Variants in PLN observed in about 807,000 individuals in gnomAD.
The protein encoded by PLN is phospholamban.
PLN carries 1 observed loss-of-function variant against 3.9 expected under a neutral mutation model. The ratio of observed to expected loss-of-function variants is 0.26; its 90% confidence interval spans 0.09 to 1.23. PLN has a LOEUF of 1.23. Among genes scored for constraint, PLN ranks in the 50% most tolerant of loss-of-function variants. The pLI is 0.48. For synonymous variants in PLN, 21 were observed against 20.5 expected (o/e 1.02, Z -0.07); for missense variants, 59 against 62.7 (o/e 0.94, Z 0.20).
chr6:118,559,172 C>A lies in PLN; in HGVS notation c.*92C>A. ...CAGGAAAACAATATTGTATAACAGA[C>A]CACTTCCTGAGTAGAAGAGTTTCTT... On this transcript the variant is annotated 3_prime_UTR_variant, in exon 2 of 2. Coordinates refer to ENST00000357525, the MANE Select transcript of PLN (RefSeq NM_002667.5). 7 of 925,778 alleles carry A rather than the reference C, an allele frequency of 7.6e-6. No homozygotes were observed. The South Asian group carries it at 7.8e-5, about 10-fold the overall frequency. The allele number at this position is 925,778 out of a possible 1,614,324, so 57.3% of individuals were successfully genotyped here.
chr6:118,558,674 G>C (rs1216794579), intron 1 of PLN, among the ~76,000 whole-genome samples, 151 bp from the exon 2 acceptor site: 3 of 145,236 alleles, frequency 2.1e-5, no homozygotes, highest in Admixed American at 6.8e-5. Context: ...GAGAGAGAGA[G>C]AGAGAGAGAG....
chr6:118,556,442 T>C (rs1562257351), intron 1 of PLN, among the ~76,000 whole-genome samples: 2 of 152,192 alleles, frequency 1.3e-5, no homozygotes, highest in Non-Finnish European at 2.9e-5. Context: ...CAGAATATAA[T>C]AGACCCAAGT....
chr6:118,550,973 A>T (rs2114928117), intron 1 of PLN, among the ~76,000 whole-genome samples: 1 of 151,888 alleles, frequency 6.6e-6, no homozygotes, highest in Non-Finnish European at 1.5e-5. Context: ...CAAAATTCAA[A>T]CTAACTGCAC....
chr6:118,552,885 C>T (rs190427313), intron 1 of PLN, among the ~76,000 whole-genome samples: 10 of 152,132 alleles, frequency 6.6e-5, no homozygotes, highest in African/African-American at 2.4e-4. Context: ...CACCCAAACT[C>T]CTAACAAGCA....
chr6:118,558,770 T>A (rs962843817), intron 1 of PLN, 55 bp from the exon 2 acceptor site: 1 of 679,804 alleles, frequency 1.5e-6, no homozygotes, highest in Non-Finnish European at 2.7e-6. Context: ...TATTTTTTGT[T>A]CTGAGGATAG....
chr6:118,548,850 ACATGCACATTATCAG>A (rs2114917729), intron 1 of PLN, among the ~76,000 whole-genome samples: 1 of 152,184 alleles, frequency 6.6e-6, no homozygotes, highest in African/African-American at 2.4e-5. Context: ...TTTGACTACA[ACATGCACATTATCAG>A]CATGCCTATT....
intron 1 of PLN, among the ~76,000 whole-genome samples, chr6:118,558,155 T>G (rs756682285): frequency 6.6e-6 from 1 of 152,134 alleles, no homozygotes; most frequent in Non-Finnish European, 1.5e-5. Context: ...TTCACCATGT[T>G]GGCCAGGCTG....
At chr6:118,549,970 G>C (rs1370946819) in intron 1 of PLN, among the ~76,000 whole-genome samples, 2 of 151,830 alleles carry the variant, frequency 1.3e-5, no homozygotes, top group Non-Finnish European at 3.0e-5. Flanking sequence ...GTCCCAACTA[G>C]TTCATCTATA....
At chr6:118,551,701 A>G (rs1778554806) in intron 1 of PLN, among the ~76,000 whole-genome samples, 1 of 152,058 alleles carries the variant, frequency 6.6e-6, no homozygotes, top group African/African-American at 2.4e-5. Flanking sequence ...GAATGAGAAT[A>G]TATTGATTTT....
intron 1 of PLN, among the ~76,000 whole-genome samples, chr6:118,552,006 T>C (rs1486894041): frequency 6.6e-6 from 1 of 152,006 alleles, no homozygotes; most frequent in Non-Finnish European, 1.5e-5. Context: ...TGTCAGAAAG[T>C]AGTAGAAAAA....
chr6:118,558,642 CACACACACACACACACACAG>C (rs1271371434), intron 1 of PLN, among the ~76,000 whole-genome samples, 163 bp from the exon 2 acceptor site: 37 of 139,982 alleles, frequency 2.6e-4, no homozygotes, highest in African/African-American at 1.0e-3. Context: ...CACACACACA[CACACACACACACACACACAG>C]AGAGAGAGAG....
intron 1 of PLN, among the ~76,000 whole-genome samples, chr6:118,553,144 TAAAAC>T (rs1304584649): frequency 6.7e-6 from 1 of 148,392 alleles, no homozygotes; most frequent in Non-Finnish European, 1.5e-5. Context: ...AACATGAAAA[TAAAAC>T]TAAACTATTT....
chr6:118,558,650 CACACACACACAG>C (rs1179306206), intron 1 of PLN, among the ~76,000 whole-genome samples, 163 bp from the exon 2 acceptor site: 58 of 136,742 alleles, frequency 4.2e-4, no homozygotes, highest in Non-Finnish European at 5.9e-4. Context: ...CACACACACA[CACACACACACAG>C]AGAGAGAGAG....
At chr6:118,553,920 G>A (rs969744879) in intron 1 of PLN, among the ~76,000 whole-genome samples, 9 of 152,144 alleles carry the variant, frequency 5.9e-5, no homozygotes, top group African/African-American at 2.2e-4. Context: ...AGAGACTTGA[G>A]GAAAATATTA....
chr6:118,557,331 A>T (rs1043804665), intron 1 of PLN, among the ~76,000 whole-genome samples: 1 of 152,222 alleles, frequency 6.6e-6, no homozygotes, highest in Non-Finnish European at 1.5e-5. Flanking sequence ...ACATCTACAG[A>T]GTAACAGATT....
chr6:118,560,084 T>C lies in PLN; in HGVS notation c.*1004T>C, dbSNP rs1779134509. On this transcript the variant is annotated 3_prime_UTR_variant, in exon 2 of 2. Transcript: ENST00000357525. ...AGAAAAATATATTATCTCAAGTATTTTTTAAAAATATATGAATTCTCTCTC... is the reference window on the plus strand; with the variant it reads ...AGAAAAATATATTATCTCAAGTATTCTTTAAAAATATATGAATTCTCTCTC... The C allele has an allele frequency of 6.0e-6, 1 of 167,052 alleles. No homozygotes were observed. Among genetic ancestry groups the C allele is most frequent in the African/African-American group, 2.4e-5 (1 of 41,460 alleles). The allele number at this position is 167,052 out of a possible 1,614,324, so 10.3% of individuals were successfully genotyped here.
chr6:118,555,084 C>G (rs992581538), intron 1 of PLN, among the ~76,000 whole-genome samples: 7 of 152,104 alleles, frequency 4.6e-5, no homozygotes, highest in African/African-American at 1.7e-4. Flanking sequence ...TAGGAATTAC[C>G]AAGTCTAATT....
At position 118,561,499 on chromosome 6, in the gene PLN, A is replaced by G. The variant is rs1378641351; in HGVS notation, c.*2419A>G. ...AATTATTCTTCATCATAAAGTGTAA[A>G]GAATAAGATATAAGAAAACAATTTA... On this transcript the variant is annotated 3_prime_UTR_variant, in exon 2 of 2. Transcript: ENST00000357525. Among the ~76,000 whole-genome samples the G allele has an allele frequency of 8.5e-5, 13 of 152,146 alleles. 1 individual carries two copies. The highest frequency in any genetic ancestry group is 8.5e-4 in the Admixed American group (13 of 15,280).
At position 118,559,162 on chromosome 6, in the gene PLN, G is replaced by GTA. The variant is rs1274379279; in HGVS notation, c.*85_*86dup. 3 of 1,017,946 alleles carry GTA rather than the reference G, an allele frequency of 2.9e-6. No homozygotes were observed. The highest frequency in any genetic ancestry group is 4.7e-6 in the Non-Finnish European group (3 of 635,932). The allele number at this position is 1,017,946 out of a possible 1,614,324, so 63.1% of individuals were successfully genotyped here. ...CCCATGCAGACAGGAAAACAATATT[G>GTA]TATAACAGACCACTTCCTGAGTAGA... On this transcript the variant is annotated 3_prime_UTR_variant, in exon 2 of 2. Transcript: ENST00000357525.
Sources: gnomAD v4.1 joint callset for allele counts (sites outside exome capture counted in the v4.1 genomes callset) on GRCh38, gnomAD v4.1.1 for gene constraint, MANE v1.5 for transcripts, NCBI Gene and HGNC (gene_info 2026-07-23, HGNC 2026-07-21) for gene names.